The following MICAL3 variants were observed in gnomAD, a reference collection of about 807,000 sequenced individuals.
MICAL3 encodes the protein [F-actin]-monooxygenase MICAL3.
MICAL3 carries 62 observed loss-of-function variants against 207.4 expected under a neutral mutation model. The ratio of observed to expected loss-of-function variants is 0.30; its 90% confidence interval spans 0.24 to 0.37. MICAL3 has a LOEUF of 0.37. Ranked by LOEUF, MICAL3 falls within the 10% of genes least tolerant of loss-of-function variation. The pLI, the probability that MICAL3 is intolerant of heterozygous loss-of-function variation, is 1.00. For synonymous variants in MICAL3, 1,077 were observed against 1,069.3 expected (o/e 1.01, Z -0.14); for missense variants, 2,368 against 2,635.6 (o/e 0.90, Z 2.22).
At chr22:17,889,911 T>G (rs1467640810) in intron 12 of MICAL3, among the ~76,000 whole-genome samples, 1 of 152,204 alleles carries the variant, frequency 6.6e-6, no homozygotes, top group Non-Finnish European at 1.5e-5. Context: ...CATCTCCCAT[T>G]TGGATCAGAT....
At chr22:17,875,680 A>AT in intron 16 of MICAL3, 8 of 249,652 alleles carry the variant, frequency 3.2e-5, no homozygotes, top group East Asian at 2.1e-4. Context: ...TACCATGTAT[A>AT]GTAAAAAAAA....
rs368048560 is a variant in MICAL3 at position 17,818,936 on chromosome 22, G to A, written c.3725C>T (p.Pro1242Leu). 221 of 1,586,654 alleles carry A rather than the reference G, an allele frequency of 1.4e-4. No homozygotes were observed. The highest frequency in any genetic ancestry group is 8.5e-4 in the Middle Eastern group (5 of 5,914). The change falls in exon 26 of 32, where the codon CCG (proline) becomes CTG (leucine). Residue 1242 changes from proline (P) to leucine (L), a missense_variant. Pro to Leu is a moderately conservative substitution (Grantham distance 98). Transcript: ENST00000441493. ...EARTPVSPGS[P>L]QPQPPVAAST... The stretch of plus-strand genomic sequence containing the variant: ...GGCCGCCACGGGTGGCTGGGGCTGC[G>A]GGCTCCCTGGTGAGACAGGAGTCCT...
chr22:17,797,851 G>A (rs2061893153), intron 29 of MICAL3, among the ~76,000 whole-genome samples: 1 of 152,260 alleles, frequency 6.6e-6, no homozygotes, highest in South Asian at 2.1e-4. Context: ...ACAGCGGGCA[G>A]GCACGTCGGC....
At chr22:17,952,087 T>C (rs1934377452) in intron 1 of MICAL3, among the ~76,000 whole-genome samples, 1 of 152,202 alleles carries the variant, frequency 6.6e-6, no homozygotes, top group South Asian at 2.1e-4. Flanking sequence ...TGGAATGAAC[T>C]GCAAGGATGG....
intron 16 of MICAL3, among the ~76,000 whole-genome samples, chr22:17,881,976 T>C (rs938925526): frequency 6.7e-6 from 1 of 149,834 alleles, no homozygotes; most frequent in African/African-American, 2.5e-5. Flanking sequence ...CAATCACACA[T>C]TCCCAGGCCT....
chr22:17,827,687 C>T lies in MICAL3; in HGVS notation c.3150G>A (p.Glu1050=). The T allele has an allele frequency of 1.3e-6, 2 of 1,583,052 alleles. No individual in the cohort carries two copies. Among genetic ancestry groups the T allele is most frequent in the South Asian group, 1.2e-5 (1 of 86,362 alleles). The change falls in exon 22 of 32, where the codon GAG becomes GAA. Residue 1050 remains glutamate, a synonymous_variant. Coordinates refer to ENST00000441493, the MANE Select transcript of MICAL3 (RefSeq NM_015241.3). The part of the protein sequence containing the change: ...VHWTHIRERE[E]EERMAPASES... ...CAGAGGCCGGCGCCATCCTCTCTTC[C>T]TCCTCTCTCTCACGGATATGAGTCC...
intron 1 of MICAL3, among the ~76,000 whole-genome samples, chr22:17,976,274 C>T (rs35276871): frequency 0.22 from 33,599 of 151,908 alleles, 3,926 homozygotes; most frequent in Middle Eastern, 0.29. Context: ...CTGTTAAATT[C>T]CGTGTCTTAT....
At chr22:17,994,882 G>A (rs895137178) in intron 1 of MICAL3, among the ~76,000 whole-genome samples, 7 of 151,998 alleles carry the variant, frequency 4.6e-5, no homozygotes, top group Non-Finnish European at 8.8e-5. Flanking sequence ...TAACCAGACC[G>A]AATCTCCTGC....
intron 1 of MICAL3, among the ~76,000 whole-genome samples, chr22:18,011,606 C>A (rs535239374): frequency 2.3e-4 from 35 of 151,024 alleles, no homozygotes; most frequent in Non-Finnish European, 5.0e-4. Flanking sequence ...CGCGGTGGCT[C>A]ACACCTGTAA....
At chr22:18,008,002 A>G (rs1305159743) in intron 1 of MICAL3, among the ~76,000 whole-genome samples, 1 of 145,780 alleles carries the variant, frequency 6.9e-6, no homozygotes, top group Non-Finnish European at 1.5e-5. Context: ...GCACTTCGGG[A>G]GGCTGAAGCA....
intron 1 of MICAL3, among the ~76,000 whole-genome samples, chr22:17,982,988 GAA>G (rs71317116): frequency 6.6e-6 from 1 of 152,094 alleles, no homozygotes; most frequent in Non-Finnish European, 1.5e-5. Context: ...AAGTACCTCA[GAA>G]ACGAAGGACC....
At chr22:17,874,551 C>T (rs1050996371) in intron 16 of MICAL3, among the ~76,000 whole-genome samples, 1 of 152,212 alleles carries the variant, frequency 6.6e-6, no homozygotes, top group Admixed American at 6.5e-5. Context: ...AGGCATCTGC[C>T]ACATTCAGTT....
chr22:17,968,356 G>A (rs1935248037), intron 1 of MICAL3, among the ~76,000 whole-genome samples: 1 of 152,138 alleles, frequency 6.6e-6, no homozygotes, highest in African/African-American at 2.4e-5. Flanking sequence ...CAGGTGAGCA[G>A]GTGTTCACAG....
rs756189102 is a variant in MICAL3, at chr22:17,808,953, C to A, written c.5557-16G>T. ...GCTGGATGATCTATGACAGACAGCA[C>A]AGACTGAGCACCCGGCTCTCCAGCC... On this transcript the variant is annotated splice_polypyrimidine_tract_variant and intron_variant, in intron 28 of 31. Transcript: ENST00000441493. The A allele has an allele frequency of 1.9e-6, 3 of 1,544,320 alleles. No individual in the cohort carries two copies. The highest frequency in any genetic ancestry group is 2.6e-6 in the Non-Finnish European group (3 of 1,143,976).
intron 25 of MICAL3, 69 bp downstream of exon 25, chr22:17,821,358 G>A (rs1001769694): frequency 7.3e-7 from 1 of 1,378,426 alleles, no homozygotes; most frequent in Non-Finnish European, 9.8e-7. Flanking sequence ...CCCTGAAACA[G>A]AGAAGTTAAT....
chr22:17,947,452 G>C (rs925783913), intron 1 of MICAL3, among the ~76,000 whole-genome samples: 2 of 152,220 alleles, frequency 1.3e-5, no homozygotes, highest in African/African-American at 4.8e-5. Context: ...GCACCACTGA[G>C]ATAGAATTAC....
intron 1 of MICAL3, among the ~76,000 whole-genome samples, chr22:17,965,103 T>C (rs1274790937): frequency 1.4e-5 from 2 of 147,794 alleles, no homozygotes; most frequent in Non-Finnish European, 3.0e-5. Flanking sequence ...CATCCGCTGC[T>C]CTCCTTTCCC....
intron 29 of MICAL3, among the ~76,000 whole-genome samples, chr22:17,805,588 T>C (rs1231710083): frequency 2.4e-4 from 37 of 152,292 alleles, no homozygotes; most frequent in Non-Finnish European, 2.9e-5. Context: ...AGGAAGGAGT[T>C]TGCACTACGA....
At chr22:17,832,243 G>T in intron 20 of MICAL3, 136 bp from the exon 21 acceptor site, 1 of 1,174,608 alleles carries the variant, frequency 8.5e-7, no homozygotes, top group South Asian at 1.5e-5. Context: ...CAGGAGGGAG[G>T]AGAGAGCGGC....
Sources: gnomAD v4.1 joint callset for allele counts (sites outside exome capture counted in the v4.1 genomes callset) on GRCh38, gnomAD v4.1.1 for gene constraint, MANE v1.5 for transcripts, NCBI Gene and HGNC (gene_info 2026-07-23, HGNC 2026-07-21) for gene names.